Variants in DIAPH3 observed in about 807,000 individuals in gnomAD.
DIAPH3 encodes the protein protein diaphanous homolog 3.
Under a neutral mutation model 144.3 loss-of-function variants are expected in DIAPH3, and 117 were observed. The ratio of observed to expected loss-of-function variants is 0.81; its 90% CI spans 0.70 to 0.95. The LOEUF is 0.95. Among genes scored for constraint, DIAPH3 ranks in the 40% least tolerant of loss-of-function variants. DIAPH3 has a pLI of 0.00. For missense variants in DIAPH3, 1,421 were observed against 1,412.7 expected, an observed-to-expected ratio of 1.01 and a Z score of -0.09; for synonymous variants, 519 against 488.9, an observed-to-expected ratio of 1.06 and a Z score of -0.81.
chr13:59,743,339 G>C (rs1429354948), intron 27 of DIAPH3, among the ~76,000 whole-genome samples: 1 of 152,174 alleles, frequency 6.6e-6, no homozygotes, highest in East Asian at 1.9e-4. Flanking sequence ...TAAGGAGATA[G>C]AATAAATCAT....
At chr13:60,078,977 C>A (rs529897771) in intron 4 of DIAPH3, among the ~76,000 whole-genome samples, 1 of 152,000 alleles carries the variant, frequency 6.6e-6, no homozygotes, top group African/African-American at 2.4e-5. Context: ...ACAGAAAGAA[C>A]CGATCCTTAG....
intron 24 of DIAPH3, among the ~76,000 whole-genome samples, chr13:59,813,849 A>C (rs1485658424): frequency 2.1e-4 from 31 of 144,262 alleles, no homozygotes; most frequent in Non-Finnish European, 3.6e-4. Context: ...ACAGAGCAAG[A>C]CTTTGTCTCA....
intron 17 of DIAPH3, among the ~76,000 whole-genome samples, chr13:59,939,960 A>T (rs2048446254): frequency 6.6e-6 from 1 of 151,864 alleles, no homozygotes. Flanking sequence ...TTCAAGCCCC[A>T]ACAAAAACTC....
intron 17 of DIAPH3, among the ~76,000 whole-genome samples, chr13:59,943,931 G>C (rs2048672444): frequency 6.6e-6 from 1 of 152,036 alleles, no homozygotes; most frequent in South Asian, 2.1e-4. Flanking sequence ...GATGATGGAG[G>C]CTGGGCACGG....
chr13:59,731,670 G>A (rs969550181), intron 27 of DIAPH3, among the ~76,000 whole-genome samples: 1 of 152,080 alleles, frequency 6.6e-6, no homozygotes, highest in Non-Finnish European at 1.5e-5. Flanking sequence ...GTAAATCAAC[G>A]TTGAGACATA....
At chr13:60,138,573 T>C (rs2059348384) in intron 1 of DIAPH3, among the ~76,000 whole-genome samples, 1 of 152,230 alleles carries the variant, frequency 6.6e-6, no homozygotes, top group Non-Finnish European at 1.5e-5. Flanking sequence ...CAACAATCTC[T>C]GGTATGTATG....
chr13:59,790,910 C>T (rs341561), intron 25 of DIAPH3, among the ~76,000 whole-genome samples: 94,075 of 152,072 alleles, frequency 0.62, 29,507 homozygotes, highest in East Asian at 0.7. Flanking sequence ...AATGAATACA[C>T]GAGCCCCACA....
intron 25 of DIAPH3, among the ~76,000 whole-genome samples, chr13:59,785,231 A>G (rs1026497891): frequency 1.3e-5 from 2 of 152,244 alleles, no homozygotes; most frequent in African/African-American, 4.8e-5. Flanking sequence ...AAACTCCAAT[A>G]GGTTAATATT....
At chr13:60,053,254 G>A (rs2056428975) in intron 4 of DIAPH3, among the ~76,000 whole-genome samples, 1 of 151,980 alleles carries the variant, frequency 6.6e-6, no homozygotes, top group South Asian at 2.1e-4. Flanking sequence ...ACTCACGGCT[G>A]CATATCTTTA....
At chr13:60,074,073 G>C (rs1012494426) in intron 4 of DIAPH3, among the ~76,000 whole-genome samples, 1 of 152,184 alleles carries the variant, frequency 6.6e-6, no homozygotes, top group Non-Finnish European at 1.5e-5. Context: ...GCCACAGTAG[G>C]AGATGCTTGT....
At chr13:59,799,025 GA>G (rs57190058) in intron 25 of DIAPH3, among the ~76,000 whole-genome samples, 1 of 150,872 alleles carries the variant, frequency 6.6e-6, no homozygotes, top group East Asian at 1.9e-4. Flanking sequence ...GCCTGGGGAA[GA>G]AAAAAAAAGT....
chr13:59,898,679 T>C (rs1332294305), intron 20 of DIAPH3, among the ~76,000 whole-genome samples: 3 of 152,228 alleles, frequency 2.0e-5, no homozygotes, highest in African/African-American at 4.8e-5. Context: ...CCTGCCACCA[T>C]AGATACTTAT....
intron 20 of DIAPH3, among the ~76,000 whole-genome samples, chr13:59,892,809 T>C (rs578159685): frequency 4.6e-5 from 7 of 152,152 alleles, no homozygotes; most frequent in African/African-American, 1.4e-4. Flanking sequence ...TAAATTAAAA[T>C]GGTCTAAACA....
rs964602006 is a variant in DIAPH3 at position 60,102,484 on chromosome 13, C to A, written c.391-8752G>T. Among the ~76,000 whole-genome samples, 7 of 152,100 alleles carry A rather than the reference C, an allele frequency of 4.6e-5. No homozygotes were observed. In the East Asian group the frequency reaches 1.2e-3, roughly 25 times the overall value. ...GAAAAGTTCTCAAATAGAATTTGCT[C>A]ATCCTATTTTAGGACAAACATGAGA... is the stretch of plus-strand genomic sequence containing the variant. On this transcript the variant is annotated intron_variant, in intron 3 of 27. Coordinates refer to ENST00000400324, the MANE Select transcript of DIAPH3 (RefSeq NM_001042517.2).
rs559248918 is a variant in DIAPH3 at position 59,965,215 on chromosome 13, T to C, written c.2074+4729A>G. ...GTGGATAATCCATTAACTGTTTCCATATGCCATAACTATTCAGTTGAGAAA... is the reference window on the plus strand; with the variant it reads ...GTGGATAATCCATTAACTGTTTCCACATGCCATAACTATTCAGTTGAGAAA... On this transcript the variant is annotated intron_variant, in intron 17 of 27. Transcript: ENST00000400324. Among the ~76,000 whole-genome samples the C allele has an allele frequency of 6.6e-5, 10 of 152,272 alleles. No individual in the cohort carries two copies. The East Asian group carries it at 1.7e-3, about 26-fold the overall frequency.
chr13:59,719,966 TGAG>T (rs894642285), intron 27 of DIAPH3, among the ~76,000 whole-genome samples: 45 of 152,116 alleles, frequency 3.0e-4, no homozygotes, highest in Non-Finnish European at 7.4e-5. Flanking sequence ...CCTAAACAAT[TGAG>T]GAGGAGAAAC....
chr13:60,008,789 T>A, intron 8 of DIAPH3, 140 bp from the exon 9 acceptor site: 1 of 680,966 alleles, frequency 1.5e-6, no homozygotes, highest in East Asian at 2.5e-5. Context: ...ATACCATGTA[T>A]CAAGCACAGT....
At chr13:59,904,216 A>T (rs942173975) in intron 20 of DIAPH3, among the ~76,000 whole-genome samples, 6 of 152,188 alleles carry the variant, frequency 3.9e-5, no homozygotes, top group Non-Finnish European at 8.8e-5. Flanking sequence ...AGGAGGTAGA[A>T]GGGGAATGTT....
chr13:60,076,554 T>A (rs2057388611), intron 4 of DIAPH3, among the ~76,000 whole-genome samples: 1 of 152,174 alleles, frequency 6.6e-6, no homozygotes, highest in Admixed American at 6.5e-5. Context: ...TTAGTTTTAC[T>A]GTTATTAAAT....
Sources: gnomAD v4.1 joint callset for allele counts (sites outside exome capture counted in the v4.1 genomes callset) on GRCh38, gnomAD v4.1.1 for gene constraint, MANE v1.5 for transcripts, NCBI Gene and HGNC (gene_info 2026-07-23, HGNC 2026-07-21) for gene names.